TRIO: variants seen among roughly 807,000 people sequenced by gnomAD.
The protein encoded by TRIO is trio Rho guanine nucleotide exchange factor, also known as triple functional domain protein.
Under a neutral mutation model 351.9 loss-of-function variants are expected in TRIO, and 58 were observed. That is an observed-to-expected ratio of 0.16 (90% confidence interval 0.13 to 0.21). TRIO has a LOEUF of 0.21. Ranked by LOEUF, TRIO falls within the 10% of genes least tolerant of loss-of-function variation. The probability of loss-of-function intolerance (pLI) is 1.00; values close to 1 mark genes in which losing one functional copy is unlikely to be tolerated. For synonymous variants in TRIO, 1,758 were observed against 1,595.7 expected (o/e 1.10, Z -2.42); for missense variants, 3,201 against 4,027.8 (o/e 0.79, Z 5.56).
chr5:14,366,771 C>CTATCTTGCACGCTTG, intron 15 of TRIO, 89 bp from the exon 16 acceptor site: 1 of 1,558,112 alleles, frequency 6.4e-7, no homozygotes, highest in Non-Finnish European at 8.7e-7. Flanking sequence ...AGCAACTGGA[C>CTATCTTGCACGCTTG]TATCTTGCAC....
intron 1 of TRIO, among the ~76,000 whole-genome samples, chr5:14,200,366 T>G (rs1413932891): frequency 6.6e-6 from 1 of 152,208 alleles, no homozygotes; most frequent in African/African-American, 2.4e-5. Flanking sequence ...CACCATCCTG[T>G]CCTTTGTCTG....
chr5:14,478,807 T>C (rs28644204), intron 41 of TRIO, among the ~76,000 whole-genome samples: 1 of 144,794 alleles, frequency 6.9e-6, no homozygotes, highest in African/African-American at 2.7e-5. Context: ...AAAAAAAAAT[T>C]AAAAATTAGC....
At position 14,427,483 on chromosome 5, in the gene TRIO, C is replaced by T. The variant is rs532340994; in HGVS notation, c.5203+7462C>T. Among the ~76,000 whole-genome samples the T allele has an allele frequency of 7.2e-5, 11 of 152,278 alleles. No individual in the cohort carries two copies. In the South Asian group the frequency reaches 2.1e-3, roughly 29 times the overall value. ...GCCAACCCCAGCACGGGGGATACGC[C>T]GGTGCTGTTTCCCTGCTCAGAATAC... On this transcript the variant is annotated intron_variant, in intron 34 of 56. Transcript: ENST00000344204.
rs561649179 is a variant in TRIO, at chr5:14,234,185, G to C, written c.158-36640G>C. Among the ~76,000 whole-genome samples the C allele has an allele frequency of 5.3e-5, 8 of 152,310 alleles. No homozygotes were observed. In the South Asian group the frequency reaches 1.5e-3, roughly 28 times the overall value. On this transcript the variant is annotated intron_variant, in intron 1 of 56. Transcript: ENST00000344204. Reference sequence around the variant, plus strand: ...AATGAGGTTCCTGTACAAAGACGATGTTGACTACTTTAGGCCCATAGGGAG... The same window carrying C: ...AATGAGGTTCCTGTACAAAGACGATCTTGACTACTTTAGGCCCATAGGGAG...
Position 14,509,568 on chromosome 5 carries a change from A to T in TRIO, c.*1146A>T, listed in dbSNP as rs749062141. Reference sequence around the variant, plus strand: ...CTATTATTCAGAATGCCAAAGTATTATTTTTTTTCCCAAAATCAGTCTGGA... The same window carrying T: ...CTATTATTCAGAATGCCAAAGTATTTTTTTTTTTCCCAAAATCAGTCTGGA... On this transcript the variant is annotated 3_prime_UTR_variant, in exon 57 of 57. Coordinates refer to ENST00000344204, the MANE Select transcript of TRIO (RefSeq NM_007118.4). The T allele has an allele frequency of 9.9e-6, 3 of 304,544 alleles. No individual in the cohort carries two copies. The highest frequency in any genetic ancestry group is 4.9e-5 in the South Asian group (2 of 40,708). 18.9% of individuals were successfully genotyped at this position (304,544 alleles called of 1,614,324 possible).
At chr5:14,422,905 G>A (rs530043987) in intron 34 of TRIO, among the ~76,000 whole-genome samples, 37 of 152,260 alleles carry the variant, frequency 2.4e-4, no homozygotes, top group Admixed American at 4.6e-4. Context: ...TGGGAGGATC[G>A]CTTGAGGCCA....
Position 14,488,182 on chromosome 5 carries a change from C to G in TRIO, c.7554C>G (p.Ala2518=), listed in dbSNP as rs752726450. The G allele has an allele frequency of 5.0e-6, 8 of 1,600,908 alleles. No individual in the cohort carries two copies. In the South Asian group the frequency reaches 8.8e-5, roughly 18 times the overall value. The change falls in exon 48 of 57, where the codon GCC becomes GCG. Residue 2518 remains alanine, a synonymous_variant. Transcript: ENST00000344204. ...SLQRQTPRHA[A]PGKDTDRMST... is the part of the protein sequence containing the mutation. ...AGCGGCAGACACCCCGCCACGCGGC[C>G]CCTGGCAAGGATACTGACCGCATGA...
intron 44 of TRIO, 89 bp from the exon 45 acceptor site, chr5:14,481,452 G>T (rs1222614965): frequency 5.9e-6 from 9 of 1,533,306 alleles, no homozygotes; most frequent in Non-Finnish European, 8.1e-6. Flanking sequence ...TGGGGAGGAA[G>T]AACAGAACTT....
chr5:14,352,324 A>T (rs1351518139), intron 11 of TRIO, among the ~76,000 whole-genome samples: 1 of 152,212 alleles, frequency 6.6e-6, no homozygotes. Context: ...TCTGTTTCTC[A>T]GTAGAATCCA....
At chr5:14,181,081 T>A (rs1043019700) in intron 1 of TRIO, among the ~76,000 whole-genome samples, 3 of 80,366 alleles carry the variant, frequency 3.7e-5, no homozygotes, top group Non-Finnish European at 7.3e-5. Context: ...AATGGAATAC[T>A]ACAATGTATT....
intron 35 of TRIO, among the ~76,000 whole-genome samples, chr5:14,461,943 G>A (rs558887068): frequency 6.6e-6 from 1 of 152,330 alleles, no homozygotes; most frequent in Non-Finnish European, 1.5e-5. Context: ...ATGTCCTATT[G>A]ACAAGGGAGG....
intron 34 of TRIO, among the ~76,000 whole-genome samples, chr5:14,454,218 C>T (rs1407156978): frequency 1.3e-5 from 2 of 152,128 alleles, no homozygotes; most frequent in African/African-American, 2.4e-5. Flanking sequence ...CGTGAGCCAC[C>T]GTGCCCTGCC....
At chr5:14,211,378 A>G (rs1791882088) in intron 1 of TRIO, among the ~76,000 whole-genome samples, 1 of 152,236 alleles carries the variant, frequency 6.6e-6, no homozygotes, top group African/African-American at 2.4e-5. Flanking sequence ...TAAAGCTCAT[A>G]TTTTTAAATG....
intron 1 of TRIO, among the ~76,000 whole-genome samples, chr5:14,144,809 TC>T (rs1478171994): frequency 6.6e-6 from 1 of 151,572 alleles, no homozygotes; most frequent in African/African-American, 2.4e-5. Flanking sequence ...CCGGCCCAGA[TC>T]CCGCGCGAGC....
intron 7 of TRIO, among the ~76,000 whole-genome samples, chr5:14,299,585 A>G (rs564196143): frequency 6.6e-6 from 1 of 152,280 alleles, no homozygotes; most frequent in African/African-American, 2.4e-5. Flanking sequence ...GCTCCTCACT[A>G]AAGTAGTTTT....
intron 13 of TRIO, among the ~76,000 whole-genome samples, chr5:14,359,889 T>C (rs1049806178): frequency 1.8e-4 from 28 of 152,308 alleles, no homozygotes; most frequent in African/African-American, 6.3e-4. Flanking sequence ...AGCACTCCCT[T>C]GTCCTCAGCT....
intron 1 of TRIO, among the ~76,000 whole-genome samples, chr5:14,160,836 A>C (rs1788404908): frequency 6.6e-6 from 1 of 152,100 alleles, no homozygotes; most frequent in African/African-American, 2.4e-5. Flanking sequence ...CCTTTCTCCC[A>C]CTGAAGCTCC....
chr5:14,477,128 A>G (rs1164534774), intron 41 of TRIO, 165 bp downstream of exon 41: 5 of 608,696 alleles, frequency 8.2e-6, no homozygotes, highest in East Asian at 3.0e-5. Context: ...CCCTTCTTCA[A>G]CATGAGTTAC....
chr5:14,468,046 G>A (rs73749264), intron 37 of TRIO, among the ~76,000 whole-genome samples: 3,507 of 152,216 alleles, frequency 0.023, 132 homozygotes, highest in African/African-American at 0.081. Flanking sequence ...CCCAGGGAAC[G>A]CTGTGAGGCA....
Sources: allele counts gnomAD v4.1 joint callset (sites outside exome capture counted in the v4.1 genomes callset), GRCh38; gene constraint gnomAD v4.1.1; transcripts MANE v1.5; gene names NCBI Gene and HGNC (gene_info 2026-07-23, HGNC 2026-07-21).